MID1: variants seen among roughly 807,000 people sequenced by gnomAD.
MID1 encodes the protein E3 ubiquitin-protein ligase Midline-1.
A neutral mutation model predicts 40.4 loss-of-function variants in MID1; 7 were observed. The observed-to-expected ratio is 0.17, with a 90% CI of 0.10 to 0.33. The LOEUF is 0.33. Ranked by LOEUF, MID1 falls within the 10% of genes least tolerant of loss-of-function variation. The probability of loss-of-function intolerance (pLI) is 1.00; values close to 1 mark genes in which losing one functional copy is unlikely to be tolerated. For synonymous variants in MID1, 229 were observed against 221.2 expected, an observed-to-expected ratio of 1.04 and a Z score of -0.31; for missense variants, 367 against 558.5, an observed-to-expected ratio of 0.66 and a Z score of 3.46.
intron 1 of MID1, among the ~76,000 whole-genome samples, chrX:10,593,278 A>G (rs914677009): frequency 8.9e-6 from 1 of 112,393 alleles, no homozygotes; most frequent in Non-Finnish European, 1.9e-5. Flanking sequence ...CAATTTTGTT[A>G]GCACAAACTA....
In MID1 at chrX:10,515,863, A is replaced by G. The variant is rs142562268; in HGVS notation, c.756+7229T>C. On this transcript the variant is annotated intron_variant, in intron 3 of 9. Transcript: ENST00000317552. ...TTGGAATGTGCAGAAAATTTGGTAC[A>G]TATCAGTGATTCCAAGTGTTTGCTT... Among the ~76,000 whole-genome samples, 838 of 112,483 alleles carry G rather than the reference A, an allele frequency of 7.5e-3. 9 individuals carry two copies. The highest frequency in any genetic ancestry group is 0.025 in the African/African-American group (771 of 30,954).
At chrX:10,661,925 T>C (rs1033558765) in intron 1 of MID1, among the ~76,000 whole-genome samples, 2 of 112,629 alleles carry the variant, frequency 1.8e-5, no homozygotes, top group Non-Finnish European at 3.7e-5. Flanking sequence ...GACGCTCTTC[T>C]AGAAGTTATT....
At chrX:10,609,669 C>T (rs7887253) in intron 1 of MID1, among the ~76,000 whole-genome samples, 18 of 109,137 alleles carry the variant, frequency 1.6e-4, no homozygotes, top group African/African-American at 4.3e-4. Flanking sequence ...AAAAACCCAT[C>T]AAACATCGTT....
chrX:10,469,564 T>C (rs1602264866), intron 7 of MID1, 133 bp downstream of exon 7: 1 of 1,206,980 alleles, frequency 8.3e-7, no homozygotes, highest in East Asian at 3.0e-5. Flanking sequence ...CACTTTTTTG[T>C]TCAAGAAAGA....
intron 1 of MID1, among the ~76,000 whole-genome samples, chrX:10,655,711 T>C (rs532615564): frequency 1.8e-5 from 2 of 110,372 alleles, no homozygotes; most frequent in South Asian, 7.7e-4. Context: ...GGCTAAAAAG[T>C]GTTTGTGGTT....
intron 1 of MID1, among the ~76,000 whole-genome samples, chrX:10,710,213 A>T (rs2043257501): frequency 9.0e-6 from 1 of 111,351 alleles, no homozygotes; most frequent in African/African-American, 3.3e-5. Flanking sequence ...GGAGGCAGCC[A>T]AAGCCCTCTG....
chrX:10,611,115 T>G (rs1935728874), intron 1 of MID1, among the ~76,000 whole-genome samples: 1 of 112,109 alleles, frequency 8.9e-6, no homozygotes, highest in African/African-American at 3.2e-5. Context: ...TACATATTCT[T>G]GTGGGCTTTT....
chrX:10,696,944 C>T (rs769514163), intron 1 of MID1, among the ~76,000 whole-genome samples: 1 of 112,030 alleles, frequency 8.9e-6, no homozygotes, highest in East Asian at 2.8e-4. Context: ...TGACCTTGTC[C>T]ATAATCTCTG....
intron 1 of MID1, among the ~76,000 whole-genome samples, chrX:10,681,443 T>C (rs1268434021): frequency 8.9e-6 from 1 of 112,244 alleles, no homozygotes; most frequent in East Asian, 2.8e-4. Flanking sequence ...TGACAGTTGA[T>C]GCTGGTTGTT....
At chrX:10,724,796 G>A (rs1280552107) in intron 1 of MID1, among the ~76,000 whole-genome samples, 1 of 112,344 alleles carries the variant, frequency 8.9e-6, no homozygotes, top group Admixed American at 9.4e-5. Flanking sequence ...TTAATCATAG[G>A]ATTCCAATGC....
At chrX:10,524,889 G>C (rs1238920109) in intron 2 of MID1, among the ~76,000 whole-genome samples, 2 of 111,944 alleles carry the variant, frequency 1.8e-5, no homozygotes, top group Non-Finnish European at 3.8e-5. Flanking sequence ...CCATGGGCAG[G>C]GAATAGAACA....
chrX:10,772,143 GTATATGTGTGTGTGTATATATATGTA>G (rs1297742938), intron 1 of MID1, among the ~76,000 whole-genome samples: 1 of 110,800 alleles, frequency 9.0e-6, no homozygotes, highest in African/African-American at 3.3e-5. Context: ...GGGTGTGTGT[GTATATGTGTGTGTGTATATATATGTA>G]TATATGTGTG....
At chrX:10,652,631 G>A (rs764251525) in intron 1 of MID1, among the ~76,000 whole-genome samples, 2 of 111,356 alleles carry the variant, frequency 1.8e-5, no homozygotes, top group African/African-American at 6.5e-5. Flanking sequence ...CAAAGTCCAC[G>A]CAATGCTCCC....
At chrX:10,527,507 T>C (rs943641540) in intron 2 of MID1, among the ~76,000 whole-genome samples, 1 of 111,781 alleles carries the variant, frequency 8.9e-6, no homozygotes, top group Non-Finnish European at 1.9e-5. Context: ...GATGGAACAT[T>C]TAGTTTGGAC....
chrX:10,607,018 C>A (rs112387641), intron 1 of MID1, among the ~76,000 whole-genome samples: 2,652 of 112,267 alleles, frequency 0.024, 92 homozygotes, highest in African/African-American at 0.082. Context: ...CAGGTGTGAA[C>A]CACAACAGTG....
Position 10,447,545 on chromosome X carries a change from C to A in MID1, c.*1823G>T, listed in dbSNP as rs1342481646. ...TTTTATATTGTAATAAAAAGAAAAACCTATAAGGTTTCCAGAGAAAGATTG... is the reference window on the plus strand; with the variant it reads ...TTTTATATTGTAATAAAAAGAAAAAACTATAAGGTTTCCAGAGAAAGATTG... On this transcript the variant is annotated 3_prime_UTR_variant, in exon 10 of 10. Coordinates refer to ENST00000317552, the MANE Select transcript of MID1 (RefSeq NM_000381.4). 1 of 112,013 alleles carries A rather than the reference C, an allele frequency of 8.9e-6. No individual in the cohort carries two copies. Among genetic ancestry groups the A allele is most frequent in the African/African-American group, 3.2e-5 (1 of 30,839 alleles). 9.2% of individuals were successfully genotyped at this position (112,013 alleles called of 1,213,427 possible). A position where few individuals can be genotyped will look rare whatever the true frequency, so the allele number is the denominator to read the frequency against.
At chrX:10,726,890 C>A (rs765206962) in intron 1 of MID1, among the ~76,000 whole-genome samples, 1 of 112,530 alleles carries the variant, frequency 8.9e-6, no homozygotes, top group Non-Finnish European at 1.9e-5. Context: ...AATCAGTGGG[C>A]AAAGATTGCA....
intron 7 of MID1, among the ~76,000 whole-genome samples, chrX:10,467,565 G>A (rs377441692): frequency 3.6e-5 from 4 of 111,604 alleles, no homozygotes; most frequent in African/African-American, 1.3e-4. Flanking sequence ...GAATTACTAC[G>A]AAACTTCCCA....
intron 1 of MID1, among the ~76,000 whole-genome samples, chrX:10,578,639 G>A (rs867518994): frequency 7.1e-5 from 8 of 112,174 alleles, no homozygotes; most frequent in Middle Eastern, 4.6e-3. Flanking sequence ...GAAAATGACC[G>A]ATGTTTTCCA....
Sources: allele counts gnomAD v4.1 joint callset (sites outside exome capture counted in the v4.1 genomes callset), GRCh38; gene constraint gnomAD v4.1.1; transcripts MANE v1.5; gene names NCBI Gene and HGNC (gene_info 2026-07-23, HGNC 2026-07-21).